Variants in CUL3 observed in about 807,000 individuals in gnomAD.
CUL3 encodes cullin-3.
CUL3 carries 19 observed loss-of-function variants against 89.1 expected under a neutral mutation model. The ratio of observed to expected loss-of-function variants is 0.21; its 90% CI spans 0.15 to 0.31. The LOEUF is 0.31. CUL3 is among the 10% of genes least tolerant of loss of function. The pLI is 1.00. For missense variants in CUL3, 469 were observed against 942.3 expected (o/e 0.50, Z 6.58); for synonymous variants, 351 against 308.4 (o/e 1.14, Z -1.45).
intron 1 of CUL3, chr2:224,569,724 C>T (rs376168347): frequency 1.6e-6 from 2 of 1,219,926 alleles, no homozygotes; most frequent in South Asian, 1.4e-5. Context: ...GAGAGAACTA[C>T]ATCATGAGAC....
chr2:224,556,874 T>C (rs1168436321), intron 2 of CUL3, among the ~76,000 whole-genome samples: 3 of 152,010 alleles, frequency 2.0e-5, no homozygotes. Flanking sequence ...TGTAGCAAAA[T>C]GTAAACAACT....
chr2:224,471,672 C>G lies in CUL3; in HGVS notation c.*2573G>C, dbSNP rs1395830023. ...TTTTAAGTTCACTGACATAAAGAAT[C>G]CTTGCAATCACAACCACTTTTTGTG... On this transcript the variant is annotated 3_prime_UTR_variant, in exon 16 of 16. Transcript: ENST00000264414. 1 of 218,534 alleles carries G rather than the reference C, an allele frequency of 4.6e-6. No individual in the cohort carries two copies. The highest frequency in any genetic ancestry group is 9.2e-6 in the Non-Finnish European group (1 of 108,832). 13.5% of individuals were successfully genotyped at this position (218,534 alleles called of 1,614,324 possible).
chr2:224,584,792 G>A (rs1276925444), intron 1 of CUL3, 152 bp downstream of exon 1: 11 of 310,776 alleles, frequency 3.5e-5, no homozygotes, highest in African/African-American at 1.4e-4. Flanking sequence ...CGCGCCGCCC[G>A]GTTGCCGGGA....
chr2:224,583,429 A>G (rs1231808859), intron 1 of CUL3, among the ~76,000 whole-genome samples: 5 of 152,224 alleles, frequency 3.3e-5, no homozygotes, highest in Admixed American at 6.5e-5. Flanking sequence ...TCTAAACTCT[A>G]AAGTGGTCAG....
At position 224,585,162 on chromosome 2, in the gene CUL3, CGCGGCGGCGGCGGGG is replaced by C. The variant is rs1053395110; in HGVS notation, c.-168_-154del. Reference sequence around the variant, plus strand: ...GGGAGCTGGCCGGCCCCTGGGCAGCCGCGGCGGCGGCGGGGGCGGCGGCGGCGGCGGCGGCGGCTC... The same window carrying C: ...GGGAGCTGGCCGGCCCCTGGGCAGCCGCGGCGGCGGCGGCGGCGGCGGCTC... On this transcript the variant is annotated 5_prime_UTR_variant, in exon 1 of 16. Coordinates refer to ENST00000264414, the MANE Select transcript of CUL3 (RefSeq NM_003590.5). The C allele has an allele frequency of 3.0e-4, 104 of 345,522 alleles. 1 individual carries two copies. Among genetic ancestry groups the C allele is most frequent in the Middle Eastern group, 1.1e-3 (1 of 902 alleles). The allele number at this position is 345,522 out of a possible 1,614,324, so 21.4% of individuals were successfully genotyped here.
intron 3 of CUL3, among the ~76,000 whole-genome samples, chr2:224,535,057 T>G (rs545444736): frequency 9.0e-5 from 13 of 144,982 alleles, no homozygotes; most frequent in South Asian, 2.2e-4. Context: ...AATAAATAAA[T>G]AAAGATTTTT....
Position 224,522,654 on chromosome 2 carries a change from C to T in CUL3, c.379-7882G>A, listed in dbSNP as rs181595954. 3.1e-3 allele frequency among the ~76,000 whole-genome samples: 471 copies of T among 152,064 alleles called. 2 individuals carry two copies. Among genetic ancestry groups the T allele is most frequent in the African/African-American group, 0.01 (429 of 41,470 alleles). On this transcript the variant is annotated intron_variant, in intron 3 of 15. Transcript: ENST00000264414. ...CATCCTGGCTAACACAGTGAAACCCCATCTCTACTAAAAAATACAAAAAAA... is the reference window on the plus strand; with the variant it reads ...CATCCTGGCTAACACAGTGAAACCCTATCTCTACTAAAAAATACAAAAAAA...
chr2:224,524,924 C>A (rs1395119036), intron 3 of CUL3, among the ~76,000 whole-genome samples: 1 of 150,836 alleles, frequency 6.6e-6, no homozygotes, highest in Non-Finnish European at 1.5e-5. Context: ...TAATCTAATG[C>A]ATATAATCTC....
At position 224,495,948 on chromosome 2, in the gene CUL3, C is replaced by T. The variant is rs2106180278; in HGVS notation, c.1726G>A (p.Gly576Ser). ...CCAGTTACTTGTGCACCTCCAACACCAACTTCAGATCCATCTTCCTGTTTC... is the reference window on the plus strand; with the variant it reads ...CCAGTTACTTGTGCACCTCCAACACTAACTTCAGATCCATCTTCCTGTTTC... ...PVKKEDGSEV[G>S]VGGAQVTGSN... Residue 576 changes from glycine (G) to serine (S), a missense_variant, in exon 13 of 16, where the codon GGT becomes AGT. Gly to Ser is a moderately conservative substitution (Grantham distance 56, BLOSUM62 0). Coordinates refer to ENST00000264414, the MANE Select transcript of CUL3 (RefSeq NM_003590.5). 6.2e-7 allele frequency: 1 copy of T among 1,611,538 alleles called. No homozygotes were observed. Among genetic ancestry groups the T allele is most frequent in the East Asian group, 2.2e-5 (1 of 44,854 alleles).
chr2:224,572,773 GC>G (rs1299836080), intron 1 of CUL3, among the ~76,000 whole-genome samples: 1 of 152,048 alleles, frequency 6.6e-6, no homozygotes, highest in African/African-American at 2.4e-5. Context: ...TCTGCCATGT[GC>G]AGATACAGGA....
intron 1 of CUL3, among the ~76,000 whole-genome samples, chr2:224,575,609 TG>T (rs1283476140): frequency 5.9e-5 from 9 of 152,366 alleles, no homozygotes; most frequent in African/African-American, 1.9e-4. Flanking sequence ...TTATGTATAA[TG>T]CTTATTATGT....
In CUL3 at chr2:224,571,583, CTA is replaced by C. The variant is rs200610241; in HGVS notation, c.66+13359_66+13360del. 4.7e-3 allele frequency among the ~76,000 whole-genome samples: 715 copies of C among 152,242 alleles called. 6 individuals carry two copies. Among genetic ancestry groups the C allele is most frequent in the African/African-American group, 0.016 (684 of 41,544 alleles). On this transcript the variant is annotated intron_variant, in intron 1 of 15. Transcript: ENST00000264414. ...CAAATAAGATATGACAGCAAAAGGT[CTA>C]TGACACAAAATTGTTACAAAAATCT...
chr2:224,523,315 C>T (rs1693338522), intron 3 of CUL3, among the ~76,000 whole-genome samples: 1 of 151,886 alleles, frequency 6.6e-6, no homozygotes, highest in African/African-American at 2.4e-5. Flanking sequence ...GACCAACGCC[C>T]CTGGAAGAAC....
At chr2:224,552,435 T>C (rs1694549439) in intron 2 of CUL3, among the ~76,000 whole-genome samples, 1 of 152,152 alleles carries the variant, frequency 6.6e-6, no homozygotes. Context: ...AAAAATAATA[T>C]CCTACCAGAA....
At chr2:224,546,862 T>C (rs941516722) in intron 2 of CUL3, among the ~76,000 whole-genome samples, 7 of 152,278 alleles carry the variant, frequency 4.6e-5, no homozygotes, top group Middle Eastern at 3.4e-3. Flanking sequence ...GCTGTTTTCC[T>C]GACTCTCTAA....
Position 224,513,631 on chromosome 2 carries a change from T to C in CUL3, c.547A>G (p.Ile183Val), listed in dbSNP as rs369362585. The C allele has an allele frequency of 1.2e-5, 19 of 1,582,948 alleles. No individual in the cohort carries two copies. Among genetic ancestry groups the C allele is most frequent in the South Asian group, 2.4e-5 (2 of 84,562 alleles). ...RKGEVVDRGA[I>V]RNACQMLMIL... The stretch of plus-strand genomic sequence containing the variant: ...ATTAACATCTGGCAAGCATTTCTTA[T>C]TGCGCCTCTGTCGAAAAAAGTTATT... Residue 183 changes from isoleucine to valine, a missense_variant, in exon 5 of 16, where the codon ATA (isoleucine) becomes GTA (valine). Physicochemically the swap from Ile to Val is conservative, Grantham distance 29 (BLOSUM62 3). Coordinates refer to ENST00000264414, the MANE Select transcript of CUL3 (RefSeq NM_003590.5).
chr2:224,582,895 C>T (rs1207675053), intron 1 of CUL3, among the ~76,000 whole-genome samples: 2 of 152,144 alleles, frequency 1.3e-5, no homozygotes, highest in Non-Finnish European at 2.9e-5. Context: ...CAGGTAAGAG[C>T]AGGGAAACCT....
intron 1 of CUL3, among the ~76,000 whole-genome samples, chr2:224,573,770 T>C (rs1256334366): frequency 6.6e-6 from 1 of 152,194 alleles, no homozygotes; most frequent in Non-Finnish European, 1.5e-5. Flanking sequence ...ATATGTAATA[T>C]CATAAATATT....
intron 11 of CUL3, chr2:224,499,742 C>G (rs1427240336): frequency 4.7e-6 from 1 of 212,380 alleles, no homozygotes; most frequent in Non-Finnish European, 1.0e-5. Context: ...CAGACAATGT[C>G]TAAGTGTCCA....
Sources: allele counts gnomAD v4.1 joint callset (sites outside exome capture counted in the v4.1 genomes callset), GRCh38; gene constraint gnomAD v4.1.1; transcripts MANE v1.5; gene names NCBI Gene and HGNC (gene_info 2026-07-23, HGNC 2026-07-21).